Variants in FAM13A observed in about 807,000 individuals in gnomAD.
FAM13A encodes family with sequence similarity 13 member A.
Under a neutral mutation model 129.6 loss-of-function variants are expected in FAM13A, and 76 were observed. That is an observed-to-expected ratio of 0.59 (90% CI 0.49 to 0.71). The LOEUF (loss-of-function observed/expected upper bound fraction) is 0.71, where lower values mean the gene tolerates loss of function less well. Among genes scored for constraint, FAM13A ranks in the 30% least tolerant of loss-of-function variants. The pLI is 0.00. For missense variants in FAM13A, 1,108 were observed against 1,249.3 expected (o/e 0.89, Z 1.70); for synonymous variants, 443 against 449.9 (o/e 0.98, Z 0.20).
chr4:88,974,179 T>C (rs1760568665), intron 4 of FAM13A, among the ~76,000 whole-genome samples: 1 of 152,188 alleles, frequency 6.6e-6, no homozygotes, highest in South Asian at 2.1e-4. Context: ...TCAGTGGCCC[T>C]AGAGTTAACT....
At chr4:88,954,244 C>G (rs1008558805) in intron 4 of FAM13A, among the ~76,000 whole-genome samples, 1 of 152,266 alleles carries the variant, frequency 6.6e-6, no homozygotes, top group Non-Finnish European at 1.5e-5. Context: ...AAGCTTAATA[C>G]TTATTAACAA....
chr4:88,759,047 C>G (rs1340685193), intron 13 of FAM13A, 146 bp from the exon 14 acceptor site: 3 of 764,046 alleles, frequency 3.9e-6, no homozygotes, highest in Non-Finnish European at 6.1e-6. Flanking sequence ...TGGCTTGATG[C>G]CCCCCGGATC....
chr4:88,900,573 G>C (rs1195531645), intron 6 of FAM13A, among the ~76,000 whole-genome samples: 2 of 152,026 alleles, frequency 1.3e-5, no homozygotes, highest in African/African-American at 4.8e-5. Flanking sequence ...GGAGAAATAA[G>C]ATCCTTTGCA....
chr4:89,008,822 T>C (rs1010486557), intron 3 of FAM13A: 1 of 152,226 alleles, frequency 6.6e-6, no homozygotes, highest in Non-Finnish European at 1.5e-5. Flanking sequence ...AATTAGCTTA[T>C]TGTTATCTAT....
intron 10 of FAM13A, among the ~76,000 whole-genome samples, chr4:88,782,233 T>C (rs1467621259): frequency 6.6e-6 from 1 of 152,040 alleles, no homozygotes; most frequent in Non-Finnish European, 1.5e-5. Context: ...AAAACAGTTT[T>C]AAGTATTAAT....
chr4:89,035,333 A>G (rs894707229), intron 1 of FAM13A, among the ~76,000 whole-genome samples: 1 of 152,140 alleles, frequency 6.6e-6, no homozygotes, highest in Non-Finnish European at 1.5e-5. Flanking sequence ...CCTGAATCTA[A>G]AATTTAAAAG....
intron 7 of FAM13A, chr4:88,822,985 G>A (rs1026716391): frequency 1.9e-6 from 3 of 1,613,170 alleles, no homozygotes; most frequent in South Asian, 2.2e-5. Flanking sequence ...CCTTTGCAGA[G>A]GCATGATTTC....
intron 6 of FAM13A, among the ~76,000 whole-genome samples, chr4:88,894,038 G>A (rs1296843921): frequency 3.3e-5 from 5 of 152,138 alleles, no homozygotes; most frequent in Non-Finnish European, 5.9e-5. Flanking sequence ...ATAACCATTA[G>A]GTTGAGAAAA....
chr4:88,905,770 C>T (rs1271062957), intron 6 of FAM13A: 2 of 152,126 alleles, frequency 1.3e-5, no homozygotes, highest in South Asian at 2.1e-4. Context: ...AGAAGTAAAA[C>T]CATCTACTAA....
intron 1 of FAM13A, among the ~76,000 whole-genome samples, chr4:89,040,147 G>C (rs1438378892): frequency 1.3e-5 from 2 of 152,232 alleles, no homozygotes; most frequent in South Asian, 2.1e-4. Flanking sequence ...TGCTGCAACA[G>C]GGATGCAATG....
At chr4:89,001,217 G>C (rs73845061) in intron 3 of FAM13A, among the ~76,000 whole-genome samples, 246 of 152,338 alleles carry the variant, frequency 1.6e-3, no homozygotes, top group African/African-American at 5.6e-3. Context: ...ATCTGGATGA[G>C]AGCAGTCCAA....
chr4:89,023,969 T>C (rs1767615810), intron 2 of FAM13A, among the ~76,000 whole-genome samples: 1 of 152,220 alleles, frequency 6.6e-6, no homozygotes, highest in South Asian at 2.1e-4. Context: ...GAAGCAGAGT[T>C]ACTCTCATAC....
chr4:88,888,696 C>T (rs1411632264), intron 6 of FAM13A, among the ~76,000 whole-genome samples: 2 of 151,484 alleles, frequency 1.3e-5, no homozygotes, highest in East Asian at 1.9e-4. Flanking sequence ...GAGGCCGAGG[C>T]GGGCGGATCA....
At chr4:88,823,026 G>C in intron 7 of FAM13A, 1 of 1,613,528 alleles carries the variant, frequency 6.2e-7, no homozygotes, top group Non-Finnish European at 8.5e-7. Context: ...AATTTGCAAG[G>C]GAATCTCACA....
At position 88,906,432 on chromosome 4, in the gene FAM13A, G is replaced by A. The variant is rs200429858; in HGVS notation, c.790C>T (p.Leu264Phe). ...TCTCTTTCTAAGCCTCTTGTTAAAA[G>A]GATGGGCAGGGAGTTCTTATAATAG... ...EVYYKNSLPI[L>F]LTRGLERDMP... The change falls in exon 6 of 24, where the codon CTT (leucine) becomes TTT (phenylalanine). Residue 264 changes from leucine to phenylalanine, a missense_variant. Physicochemically the swap from Leu to Phe is conservative, Grantham distance 22. Around this residue, in one of 3 missense-constraint regions of FAM13A, gnomAD observed 566 missense variants for 595.7 expected, o/e 0.95. Coordinates refer to ENST00000264344, the MANE Select transcript of FAM13A (RefSeq NM_014883.4). 10 of 1,611,414 alleles carry A rather than the reference G, an allele frequency of 6.2e-6. No homozygotes were observed. The highest frequency in any genetic ancestry group is 8.5e-6 in the Non-Finnish European group (10 of 1,178,478).
chr4:89,016,113 T>C (rs1766449750), intron 3 of FAM13A, among the ~76,000 whole-genome samples: 1 of 151,578 alleles, frequency 6.6e-6, no homozygotes, highest in Non-Finnish European at 1.5e-5. Context: ...GAACAAGATA[T>C]GGAGGTGGAA....
intron 11 of FAM13A, among the ~76,000 whole-genome samples, chr4:88,776,266 A>T (rs1721692811): frequency 1.3e-5 from 2 of 152,178 alleles, no homozygotes; most frequent in Non-Finnish European, 2.9e-5. Context: ...TATCATACAT[A>T]CATATGCATG....
chr4:88,863,463 T>C (rs1456076991), intron 6 of FAM13A, among the ~76,000 whole-genome samples: 2 of 152,180 alleles, frequency 1.3e-5, no homozygotes, highest in African/African-American at 4.8e-5. Context: ...AACTGGTAAG[T>C]ATGGCTAGGG....
At chr4:88,951,561 C>T (rs1756956004) in intron 4 of FAM13A, among the ~76,000 whole-genome samples, 1 of 152,112 alleles carries the variant, frequency 6.6e-6, no homozygotes, top group Non-Finnish European at 1.5e-5. Context: ...TTGAATGACT[C>T]AAGTAACTTT....
Sources: gnomAD v4.1 joint callset for allele counts (sites outside exome capture counted in the v4.1 genomes callset) on GRCh38, gnomAD v4.1.1 for gene constraint, gnomAD v4.1.1 regional missense constraint, MANE v1.5 for transcripts, NCBI Gene and HGNC (gene_info 2026-07-23, HGNC 2026-07-21) for gene names.